Variants in TBC1D8 observed in about 807,000 individuals in gnomAD.
TBC1D8 encodes TBC1 domain family member 8, also known as BUB2-like protein 1.
In TBC1D8, 65 loss-of-function variants were observed where a neutral mutation model predicts 118.8. The ratio of observed to expected loss-of-function variants is 0.55; its 90% CI spans 0.45 to 0.67. TBC1D8 has a LOEUF of 0.67. Ranked by LOEUF, TBC1D8 falls within the 30% of genes least tolerant of loss-of-function variation. TBC1D8 has a pLI of 0.00. For missense variants in TBC1D8, 1,376 were observed against 1,471.2 expected (o/e 0.94, Z 1.06); for synonymous variants, 566 against 595.8 (o/e 0.95, Z 0.73).
chr2:101,079,364 G>T lies in TBC1D8; in HGVS notation c.283+10845C>A, dbSNP rs375872738. On this transcript the variant is annotated intron_variant, in intron 2 of 19. Transcript: ENST00000409318. The stretch of plus-strand genomic sequence containing the variant: ...AGTCTGATTCCAGGCTTAAAAATTG[G>T]TTTTTTGTTTTGGAGGGTTTTATTC... 4.9e-4 allele frequency among the ~76,000 whole-genome samples: 75 copies of T among 152,188 alleles called. 1 individual carries two copies. The highest frequency in any genetic ancestry group is 3.7e-3 in the East Asian group (19 of 5,180).
At chr2:101,116,050 T>G (rs1021239409) in intron 1 of TBC1D8, among the ~76,000 whole-genome samples, 1 of 152,180 alleles carries the variant, frequency 6.6e-6, no homozygotes, top group South Asian at 2.1e-4. Context: ...TATGCTTAAG[T>G]TGTTATAGCT....
intron 12 of TBC1D8, chr2:101,028,662 G>T: frequency 2.1e-6 from 1 of 479,004 alleles, no homozygotes; most frequent in Non-Finnish European, 3.6e-6. Context: ...CTCCAGTGAA[G>T]TAAGCCCAAC....
At chr2:101,098,453 C>G (rs1311344695) in intron 1 of TBC1D8, among the ~76,000 whole-genome samples, 2 of 152,050 alleles carry the variant, frequency 1.3e-5, no homozygotes, top group Non-Finnish European at 2.9e-5. Context: ...AGTATTAGAT[C>G]AACAAGACAG....
chr2:101,123,113 T>C (rs772037981), intron 1 of TBC1D8, among the ~76,000 whole-genome samples: 1 of 152,124 alleles, frequency 6.6e-6, no homozygotes, highest in Non-Finnish European at 1.5e-5. Context: ...GTGCGCACCT[T>C]GTAGTCCAAG....
chr2:101,129,368 C>A (rs1678487789), intron 1 of TBC1D8, among the ~76,000 whole-genome samples: 1 of 152,054 alleles, frequency 6.6e-6, no homozygotes, highest in African/African-American at 2.4e-5. Context: ...TTCTCGAACT[C>A]CTGAACTCGG....
chr2:101,100,542 C>A (rs1446419953), intron 1 of TBC1D8, among the ~76,000 whole-genome samples: 1 of 152,010 alleles, frequency 6.6e-6, no homozygotes, highest in East Asian at 1.9e-4. Flanking sequence ...CAAAGAAGAC[C>A]CCATATAGCC....
chr2:101,146,006 T>C (rs1679303379), intron 1 of TBC1D8, among the ~76,000 whole-genome samples: 1 of 152,156 alleles, frequency 6.6e-6, no homozygotes, highest in South Asian at 2.1e-4. Context: ...GCTTTTCTTC[T>C]GTCAAACCTA....
intron 6 of TBC1D8, among the ~76,000 whole-genome samples, chr2:101,039,007 A>T (rs1681215385): frequency 6.6e-6 from 1 of 152,234 alleles, no homozygotes; most frequent in African/African-American, 2.4e-5. Context: ...CATATGAGGT[A>T]CCTGGAGGAG....
chr2:101,100,598 A>T (rs977610111), intron 1 of TBC1D8, among the ~76,000 whole-genome samples: 4 of 152,172 alleles, frequency 2.6e-5, no homozygotes, highest in Admixed American at 6.5e-5. Context: ...TACTACTAAA[A>T]ATTTATTTAT....
chr2:101,128,216 T>C (rs1678436071), intron 1 of TBC1D8, among the ~76,000 whole-genome samples: 2 of 152,348 alleles, frequency 1.3e-5, no homozygotes, highest in South Asian at 4.1e-4. Flanking sequence ...ATCTTAGTTA[T>C]GAAAAACAAA....
At chr2:101,135,788 T>C (rs1255736190) in intron 1 of TBC1D8, among the ~76,000 whole-genome samples, 1 of 152,228 alleles carries the variant, frequency 6.6e-6, no homozygotes, top group African/African-American at 2.4e-5. Context: ...TGCAGTCGTT[T>C]TTCCCTCAAG....
intron 1 of TBC1D8, among the ~76,000 whole-genome samples, chr2:101,116,078 AATAAAT>A (rs992228372): frequency 2.6e-5 from 4 of 152,334 alleles, no homozygotes; most frequent in African/African-American, 9.6e-5. Context: ...CGGAAACAAA[AATAAAT>A]ATAAGAAAAA....
chr2:101,073,829 GA>G (rs1455027263), intron 2 of TBC1D8, among the ~76,000 whole-genome samples: 1 of 152,204 alleles, frequency 6.6e-6, no homozygotes, highest in Non-Finnish European at 1.5e-5. Flanking sequence ...CAGAATTTAA[GA>G]AAGTGAGAGT....
intron 2 of TBC1D8, among the ~76,000 whole-genome samples, chr2:101,085,070 C>T (rs1033231833): frequency 6.6e-6 from 1 of 151,840 alleles, no homozygotes; most frequent in African/African-American, 2.4e-5. Context: ...CCAGGATGGT[C>T]GCGATCTCCT....
rs1324946100 is a variant in TBC1D8 at position 101,028,127 on chromosome 2, A to G, written c.2372T>C (p.Val791Ala). The G allele has an allele frequency of 6.2e-7, 1 of 1,613,872 alleles. No individual in the cohort carries two copies. Among genetic ancestry groups the G allele is most frequent in the Admixed American group, 1.7e-5 (1 of 59,994 alleles). Residue 791 changes from valine (V) to alanine (A), a missense_variant, in exon 14 of 20, where the codon GTG (valine) becomes GCG (alanine). By Grantham distance (64) the Val-to-Ala change is moderately conservative (BLOSUM62 0). Transcript: ENST00000409318. ...DSYEKFGDQS[V>A]EQIEHLRYKH... Reference sequence around the variant, plus strand: ...GTAACGTAGGTGCTCGATCTGCTCCACAGACTGGTCTCCAAATTTCTGCAG... The same window carrying G: ...GTAACGTAGGTGCTCGATCTGCTCCGCAGACTGGTCTCCAAATTTCTGCAG...
chr2:101,037,673 A>G lies in TBC1D8; in HGVS notation c.1311T>C (p.Ser437=). Residue 437 remains serine (S), a synonymous_variant, in exon 8 of 20, where the codon AGT becomes AGC. Coordinates refer to ENST00000409318, the MANE Select transcript of TBC1D8 (RefSeq NM_001330348.2). ...TTTCAAGATCCCCAAATCTGTGGTC[A>G]CTGCACATGCTTGTTGAATGAAACA... ...SLVFHSTSMC[S]DHRFGDLEMM... The G allele has an allele frequency of 6.2e-7, 1 of 1,613,878 alleles. No individual in the cohort carries two copies. Among genetic ancestry groups the G allele is most frequent in the African/African-American group, 1.3e-5 (1 of 75,060 alleles).
intron 5 of TBC1D8, among the ~76,000 whole-genome samples, chr2:101,044,048 C>A (rs1014253245): frequency 6.6e-6 from 1 of 152,232 alleles, no homozygotes; most frequent in South Asian, 2.1e-4. Context: ...GCTTCTCTCT[C>A]AGTGGCTTCA....
chr2:101,008,297 T>G, intron 19 of TBC1D8, 24 bp from the exon 20 acceptor site: 1 of 1,495,684 alleles, frequency 6.7e-7, no homozygotes, highest in Non-Finnish European at 8.9e-7. Context: ...AAGTCTTAGG[T>G]AGCAGCAGAA....
chr2:101,050,885 A>AT (rs1490230387), intron 4 of TBC1D8, among the ~76,000 whole-genome samples: 2 of 152,070 alleles, frequency 1.3e-5, no homozygotes, highest in Non-Finnish European at 2.9e-5. Flanking sequence ...CCCATTAGTA[A>AT]TTTTTTCTGA....
Sources: gnomAD v4.1 joint callset for allele counts (sites outside exome capture counted in the v4.1 genomes callset) on GRCh38, gnomAD v4.1.1 for gene constraint, MANE v1.5 for transcripts, NCBI Gene and HGNC (gene_info 2026-07-23, HGNC 2026-07-21) for gene names.